Variants in EIF4E observed in about 807,000 individuals in gnomAD.
EIF4E encodes eukaryotic translation initiation factor 4E.
For missense variants in EIF4E, 113 were observed against 265.6 expected, an observed-to-expected ratio of 0.43 and a Z score of 3.99; for synonymous variants, 71 against 88.5, an observed-to-expected ratio of 0.80 and a Z score of 1.11.
In EIF4E at chr4:98,916,286, C is replaced by CAAA. The variant is rs11462325; in HGVS notation, c.18+12806_18+12808dup. 8.4e-3 allele frequency among the ~76,000 whole-genome samples: 894 copies of CAAA among 106,890 alleles called. 19 individuals carry two copies. Among genetic ancestry groups the CAAA allele is most frequent in the African/African-American group, 0.023 (714 of 31,614 alleles). The allele number at this position is 106,890 out of a possible 152,430, so 70.1% of individuals were successfully genotyped here. On this transcript the variant is annotated intron_variant, in intron 1 of 6. Transcript: ENST00000450253. ...GCTATAAAAATGAACATTCAGAGGA[C>CAAA]AAAAAAAAAAAAAAAAGGAAGAGAA...
chr4:98,923,130 C>T (rs71612665), intron 1 of EIF4E, among the ~76,000 whole-genome samples: 2 of 150,960 alleles, frequency 1.3e-5, no homozygotes, highest in Non-Finnish European at 3.0e-5. Flanking sequence ...GGATTACAGG[C>T]GTGAGCCACC....
chr4:98,928,979 G>A (rs1721356056), intron 1 of EIF4E, 116 bp downstream of exon 1: 2 of 1,574,850 alleles, frequency 1.3e-6, no homozygotes, highest in African/African-American at 1.4e-5. Context: ...ACATGAAGGG[G>A]AAGGGGCGGC....
At position 98,885,447 on chromosome 4, in the gene EIF4E, TTTG is replaced by T. The variant is rs574486617; in HGVS notation, c.400-389_400-387del. On this transcript the variant is annotated intron_variant, in intron 5 of 6. Transcript: ENST00000450253. ...TGAATATTTGTTAATGGTCTGGTTT[TTTG>T]TTGTTGTTGTTGTTTGAGACAGGGT... Among the ~76,000 whole-genome samples the T allele has an allele frequency of 8.4e-4, 128 of 152,216 alleles. 1 individual carries two copies. Among genetic ancestry groups the T allele is most frequent in the Admixed American group, 1.6e-3 (24 of 15,282 alleles).
intron 2 of EIF4E, chr4:98,895,226 A>T (rs1724326785): frequency 1.3e-5 from 2 of 152,258 alleles, no homozygotes; most frequent in Admixed American, 1.3e-4. Flanking sequence ...GCCATTGGAA[A>T]CATGGCATCA....
At chr4:98,911,993 G>A (rs36141881) in intron 1 of EIF4E, among the ~76,000 whole-genome samples, 1 of 151,628 alleles carries the variant, frequency 6.6e-6, no homozygotes, top group East Asian at 1.9e-4. Flanking sequence ...AGTGGCTCAC[G>A]CATATAATCC....
At position 98,887,732 on chromosome 4, in the gene EIF4E, A is replaced by C. The variant is rs113697293; in HGVS notation, c.285+157T>G. ...TCTCTCAATTTTTATAAACAAATAGAATAAGATATATTGATACTAAAGCAT... is the reference window on the plus strand; with the variant it reads ...TCTCTCAATTTTTATAAACAAATAGCATAAGATATATTGATACTAAAGCAT... On this transcript the variant is annotated intron_variant, in intron 4 of 6. Coordinates refer to ENST00000450253, the MANE Select transcript of EIF4E (RefSeq NM_001968.5). This position sits in a 1 kb window ranked among gnomAD's most constrained non-coding sequence, Gnocchi z 4.0. Among the ~76,000 whole-genome samples, 1 of 152,208 alleles carries C rather than the reference A, an allele frequency of 6.6e-6. No individual in the cohort carries two copies. The highest frequency in any genetic ancestry group is 2.4e-5 in the African/African-American group (1 of 41,452).
chr4:98,907,188 A>C (rs1425588596), intron 1 of EIF4E, among the ~76,000 whole-genome samples: 1 of 152,136 alleles, frequency 6.6e-6, no homozygotes, highest in Non-Finnish European at 1.5e-5. Context: ...ATTCCTTCTG[A>C]TATATGTAGA....
At chr4:98,923,301 C>T (rs1351952007) in intron 1 of EIF4E, among the ~76,000 whole-genome samples, 1 of 150,418 alleles carries the variant, frequency 6.6e-6, no homozygotes, top group African/African-American at 2.5e-5. Flanking sequence ...CACACACACG[C>T]AAAATCATTT....
rs758129582 is a variant in EIF4E, at chr4:98,885,111, T to G, written c.400-50A>C. On this transcript the variant is annotated intron_variant, in intron 5 of 6. Transcript: ENST00000450253. Reference sequence around the variant, plus strand: ...TTTAATAGATTATAAACAAGCTCATTACACTGCAAATGTCTCTTCTGTATT... The same window carrying G: ...TTTAATAGATTATAAACAAGCTCATGACACTGCAAATGTCTCTTCTGTATT... 2.8e-5 allele frequency: 44 copies of G among 1,579,976 alleles called. No individual in the cohort carries two copies. In the African/African-American group the frequency reaches 4.6e-4, roughly 17 times the overall value.
intron 6 of EIF4E, among the ~76,000 whole-genome samples, chr4:98,884,101 C>T (rs961927358): frequency 6.7e-6 from 1 of 150,148 alleles, no homozygotes; most frequent in Non-Finnish European, 1.5e-5. Flanking sequence ...TTAATAAAAC[C>T]CTACATATGT....
At chr4:98,896,673 A>G (rs1199104918) in intron 2 of EIF4E, among the ~76,000 whole-genome samples, 3 of 78,894 alleles carry the variant, frequency 3.8e-5, no homozygotes, top group Non-Finnish European at 5.4e-5. Flanking sequence ...CTTCCAAAAA[A>G]AAAAAAAAAA....
In EIF4E at chr4:98,912,945, G is replaced by T. The variant is rs532446147; in HGVS notation, c.19-10963C>A. Among the ~76,000 whole-genome samples, 9 of 152,288 alleles carry T rather than the reference G, an allele frequency of 5.9e-5. 1 individual carries two copies. The highest frequency in any genetic ancestry group is 2.2e-4 in the African/African-American group (9 of 41,544). On this transcript the variant is annotated intron_variant, in intron 1 of 6. Transcript: ENST00000450253. ...TGTTTTGCCGGGTGTGGTGGCTCAC[G>T]CCTGTAATCCCAGCATTTTGGGAGG... is the stretch of plus-strand genomic sequence containing the variant.
intron 1 of EIF4E, among the ~76,000 whole-genome samples, chr4:98,916,222 ATAAGT>A (rs1466100173): frequency 6.6e-6 from 1 of 151,464 alleles, no homozygotes; most frequent in Admixed American, 6.6e-5. Flanking sequence ...CCTCAAAGGA[ATAAGT>A]TAAGATTTTG....
At chr4:98,904,455 AT>A (rs11333018) in intron 1 of EIF4E, among the ~76,000 whole-genome samples, 85,229 of 152,080 alleles carry the variant, frequency 0.56, 26,355 homozygotes, top group African/African-American at 0.84. Flanking sequence ...TAAGTAACTG[AT>A]TACTATAGTC....
At chr4:98,920,693 T>C (rs1725608895) in intron 1 of EIF4E, among the ~76,000 whole-genome samples, 1 of 151,898 alleles carries the variant, frequency 6.6e-6, no homozygotes. Context: ...AAACAAAAAA[T>C]AAAGAAAAGC....
chr4:98,881,054 T>C lies in EIF4E; in HGVS notation c.628A>G (p.Thr210Ala). 1 of 1,611,588 alleles carries C rather than the reference T, an allele frequency of 6.2e-7. No individual in the cohort carries two copies. Among genetic ancestry groups the C allele is most frequent in the African/African-American group, 1.3e-5 (1 of 74,812 alleles). Residue 210 changes from threonine to alanine, a missense_variant, in exon 7 of 7, where the codon ACC becomes GCC. Transcript: ENST00000450253. ...TAAACAACAAACCTATTTTTAGTGG[T>C]GGAGCCGCTCTTAGTAGCTGTGTCT... ...HADTATKSGS[T>A]TKNRFVV is the part of the protein sequence containing the mutation.
In EIF4E at chr4:98,883,593, C is replaced by T. The variant is rs183261169; in HGVS notation, c.539+1329G>A. Among the ~76,000 whole-genome samples, 45 of 151,584 alleles carry T rather than the reference C, an allele frequency of 3.0e-4. No individual in the cohort carries two copies. In the East Asian group the frequency reaches 6.1e-3, roughly 20 times the overall value. ...GTTTTTTTTGTATTTTTAGTAGAGA[C>T]GGGGTTTCACCGTGTTGGCCAGGAT... is the stretch of plus-strand genomic sequence containing the variant. On this transcript the variant is annotated intron_variant, in intron 6 of 6. Coordinates refer to ENST00000450253, the MANE Select transcript of EIF4E (RefSeq NM_001968.5).
At chr4:98,889,259 A>T (rs1724050494) in intron 3 of EIF4E, among the ~76,000 whole-genome samples, 1 of 152,170 alleles carries the variant, frequency 6.6e-6, no homozygotes, top group African/African-American at 2.4e-5. Context: ...AAGACCACAT[A>T]AGGTTTGCTG....
intron 2 of EIF4E, chr4:98,895,109 A>C (rs988356734): frequency 1.3e-5 from 2 of 152,262 alleles, no homozygotes; most frequent in Non-Finnish European, 2.9e-5. Context: ...AACAATTATA[A>C]TAGCAACATC....
Sources: gnomAD v4.1 joint callset for allele counts (sites outside exome capture counted in the v4.1 genomes callset) on GRCh38, gnomAD v4.1.1 for gene constraint, Gnocchi (gnomAD v3.1) non-coding constraint, MANE v1.5 for transcripts, NCBI Gene and HGNC (gene_info 2026-07-23, HGNC 2026-07-21) for gene names.